SCYL2: variants seen among roughly 807,000 people sequenced by gnomAD.
The protein encoded by SCYL2 is SCY1 like pseudokinase 2, also known as SCY1-like protein 2.
A neutral mutation model predicts 100.4 loss-of-function variants in SCYL2; 36 were observed. The observed-to-expected ratio is 0.36, with a 90% confidence interval of 0.27 to 0.47. The LOEUF (loss-of-function observed/expected upper bound fraction) is 0.47. SCYL2 is among the 20% of genes least tolerant of loss of function. SCYL2 has a pLI of 1.00. For synonymous variants in SCYL2, 330 were observed against 359.2 expected, an observed-to-expected ratio of 0.92 and a Z score of 0.92; for missense variants, 902 against 1,083.9, an observed-to-expected ratio of 0.83 and a Z score of 2.36.
intron 3 of SCYL2, among the ~76,000 whole-genome samples, chr12:100,293,749 T>G (rs2096313427): frequency 6.6e-6 from 1 of 152,072 alleles, no homozygotes; most frequent in Non-Finnish European, 1.5e-5. Context: ...CATGCTGCCT[T>G]CAAGCATCTG....
chr12:100,279,388 T>G (rs1472281405), intron 1 of SCYL2, among the ~76,000 whole-genome samples: 1 of 152,262 alleles, frequency 6.6e-6, no homozygotes, highest in Non-Finnish European at 1.5e-5. Context: ...GCAGCCCGGT[T>G]CCTAATAGGC....
chr12:100,287,510 C>T (rs78429866), intron 2 of SCYL2, among the ~76,000 whole-genome samples: 6,200 of 152,232 alleles, frequency 0.041, 458 homozygotes, highest in African/African-American at 0.14. Flanking sequence ...ATGGGACATA[C>T]ACTGTATTGT....
chr12:100,288,022 G>C (rs945788058), intron 2 of SCYL2, among the ~76,000 whole-genome samples: 1 of 152,172 alleles, frequency 6.6e-6, no homozygotes, highest in Non-Finnish European at 1.5e-5. Flanking sequence ...TAAATGATGT[G>C]TGTTAGCAGA....
At chr12:100,272,464 A>G (rs1314223003) in intron 1 of SCYL2, among the ~76,000 whole-genome samples, 2 of 152,074 alleles carry the variant, frequency 1.3e-5, no homozygotes, top group Non-Finnish European at 2.9e-5. Context: ...TTCTTGGGTG[A>G]TATTTTTCAA....
chr12:100,277,645 T>C (rs907340996), intron 1 of SCYL2, among the ~76,000 whole-genome samples: 6 of 152,222 alleles, frequency 3.9e-5, no homozygotes, highest in African/African-American at 1.4e-4. Context: ...CTTGCTTTTT[T>C]ATCCAATTTG....
rs1303612516 is a variant in SCYL2 at position 100,267,361 on chromosome 12, G to C, written c.-460G>C. ...CGTTTATTAGGGGGGCGGGGGGAAA[G>C]AGCCCCAGCACCGCCCCTCCTGGAA... On this transcript the variant is annotated 5_prime_UTR_variant, in exon 1 of 18. Transcript: ENST00000360820. 3.1e-6 allele frequency: 1 copy of C among 325,030 alleles called. No homozygotes were observed. The highest frequency in any genetic ancestry group is 5.7e-6 in the Non-Finnish European group (1 of 176,020). 20.1% of individuals were successfully genotyped at this position (325,030 alleles called of 1,614,324 possible).
At chr12:100,296,796 G>A (rs2096321330) in intron 3 of SCYL2, 1 of 151,938 alleles carries the variant, frequency 6.6e-6, no homozygotes, top group African/African-American at 2.4e-5. Context: ...ATGGTCCAAT[G>A]TGTTAATGAG....
intron 13 of SCYL2, among the ~76,000 whole-genome samples, chr12:100,332,453 G>A (rs1952222194): frequency 6.6e-6 from 1 of 152,128 alleles, no homozygotes. Context: ...TAGCAGTTTA[G>A]GCCTACAATG....
intron 1 of SCYL2, among the ~76,000 whole-genome samples, chr12:100,269,267 C>T (rs1274889068): frequency 6.6e-6 from 1 of 152,020 alleles, no homozygotes; most frequent in Non-Finnish European, 1.5e-5. Context: ...TTCTGTTCTC[C>T]TGCTTCAAGT....
intron 17 of SCYL2, 52 bp from the exon 18 acceptor site, chr12:100,338,476 A>G: frequency 7.3e-7 from 1 of 1,378,352 alleles, no homozygotes; most frequent in Non-Finnish European, 9.8e-7. Context: ...TTTACTAATT[A>G]TAAAGTAATT....
At position 100,267,661 on chromosome 12, in the gene SCYL2, T is replaced by C. The variant is rs975558741; in HGVS notation, c.-160T>C. On this transcript the variant is annotated 5_prime_UTR_variant, in exon 1 of 18. Transcript: ENST00000360820. ...AGGGCCGAGTCCTCGAAAGAGGCCT[T>C]GAGGCGACGGGAGACCCGGGATCGA... 6.6e-6 allele frequency: 1 copy of C among 152,058 alleles called. No homozygotes were observed. 9.4% of individuals were successfully genotyped at this position (152,058 alleles called of 1,614,324 possible). A position where few individuals can be genotyped will look rare whatever the true frequency, so the allele number is the denominator to read the frequency against.
chr12:100,286,489 G>A (rs896438780), intron 2 of SCYL2, among the ~76,000 whole-genome samples: 1 of 151,818 alleles, frequency 6.6e-6, no homozygotes, highest in Non-Finnish European at 1.5e-5. Context: ...AAGAAAATAG[G>A]GTAGGTTTGT....
At chr12:100,287,272 TTTGTTGTTG>T (rs553036903) in intron 2 of SCYL2, among the ~76,000 whole-genome samples, 3 of 151,968 alleles carry the variant, frequency 2.0e-5, no homozygotes, top group Non-Finnish European at 2.9e-5. Context: ...TTCTTTGGTT[TTTGTTGTTG>T]TTGTTGTTGT....
intron 12 of SCYL2, 57 bp downstream of exon 12, chr12:100,326,811 A>G (rs1952136258): frequency 1.3e-6 from 2 of 1,488,180 alleles, no homozygotes; most frequent in Non-Finnish European, 1.8e-6. Flanking sequence ...AAATTTTCCA[A>G]TCTATAAAAC....
intron 4 of SCYL2, among the ~76,000 whole-genome samples, chr12:100,306,397 A>T (rs2096334426): frequency 6.6e-6 from 1 of 152,252 alleles, no homozygotes; most frequent in Non-Finnish European, 1.5e-5. Context: ...AACCAATGAC[A>T]AAAACCACAT....
rs934854561 is a variant in SCYL2, at chr12:100,306,135, C to T, written c.481-4909C>T. Among the ~76,000 whole-genome samples, 4 of 152,280 alleles carry T rather than the reference C, an allele frequency of 2.6e-5. 1 individual carries two copies. The highest frequency in any genetic ancestry group is 2.6e-4 in the Admixed American group (4 of 15,290). ...TCCAAACAATAGAAAAAGAGGGACT[C>T]CTCCCTAACTCATTTTATGAGGCCA... On this transcript the variant is annotated intron_variant, in intron 4 of 17. Coordinates refer to ENST00000360820, the MANE Select transcript of SCYL2 (RefSeq NM_017988.6).
intron 2 of SCYL2, among the ~76,000 whole-genome samples, chr12:100,286,259 T>G (rs1398447504): frequency 6.6e-6 from 1 of 152,152 alleles, no homozygotes; most frequent in Admixed American, 6.5e-5. Flanking sequence ...TGTGTGTGTA[T>G]GTGTGTATGT....
At chr12:100,312,119 T>C (rs548162091) in intron 5 of SCYL2, among the ~76,000 whole-genome samples, 94 of 149,952 alleles carry the variant, frequency 6.3e-4, no homozygotes, top group African/African-American at 2.1e-3. Context: ...CAACAGTCTC[T>C]ATCTGAGCTC....
rs759412019 is a variant in SCYL2, at chr12:100,341,334, T to C, written c.*2162T>C. ...AAAGTACTAGATCACCTTAAAATTA[T>C]TTCACGTACTGAAGACAATTAAGTC... is the stretch of plus-strand genomic sequence containing the variant. On this transcript the variant is annotated 3_prime_UTR_variant, in exon 18 of 18. Transcript: ENST00000360820. The C allele has an allele frequency of 2.6e-5, 4 of 152,180 alleles. No individual in the cohort carries two copies. The highest frequency in any genetic ancestry group is 4.4e-5 in the Non-Finnish European group (3 of 68,002). The allele number at this position is 152,180 out of a possible 1,614,324, so 9.4% of individuals were successfully genotyped here.
Sources: allele counts gnomAD v4.1 joint callset (sites outside exome capture counted in the v4.1 genomes callset), GRCh38; gene constraint gnomAD v4.1.1; transcripts MANE v1.5; gene names NCBI Gene and HGNC (gene_info 2026-07-23, HGNC 2026-07-21).